PGM1: variants seen among roughly 807,000 people sequenced by gnomAD.
The protein encoded by PGM1 is phosphoglucomutase-1.
In PGM1, 52 loss-of-function variants were observed where a neutral mutation model predicts 55.6. The ratio of observed to expected loss-of-function variants is 0.94; its 90% CI spans 0.75 to 1.18. PGM1 has a LOEUF of 1.18. Ranked by LOEUF, PGM1 falls within the 50% of genes most tolerant of loss-of-function variation. The pLI, the probability that PGM1 is intolerant of heterozygous loss-of-function variation, is 0.00. For missense variants in PGM1, 724 were observed against 729.3 expected (o/e 0.99, Z 0.08); for synonymous variants, 287 against 271.7 (o/e 1.06, Z -0.55).
chr1:63,633,950 T>G (rs1315570119), intron 4 of PGM1, among the ~76,000 whole-genome samples: 1 of 131,782 alleles, frequency 7.6e-6, no homozygotes, highest in African/African-American at 2.9e-5. Flanking sequence ...TTTTTTTTTT[T>G]TTTTTTTTTT....
chr1:63,648,313 AAAC>A (rs1484611397), intron 7 of PGM1, among the ~76,000 whole-genome samples: 2 of 152,228 alleles, frequency 1.3e-5, no homozygotes, highest in Non-Finnish European at 2.9e-5. Context: ...ATATACTTTT[AAAC>A]AACCAGATCT....
At chr1:63,611,599 CA>C (rs1298948074) in intron 1 of PGM1, among the ~76,000 whole-genome samples, 1 of 152,100 alleles carries the variant, frequency 6.6e-6, no homozygotes, top group Non-Finnish European at 1.5e-5. Flanking sequence ...GAGACAGGAT[CA>C]AAAACCTAAA....
chr1:63,594,092 A>T, intron 1 of PGM1: 1 of 1,027,472 alleles, frequency 9.7e-7, no homozygotes, highest in Non-Finnish European at 1.2e-6. Context: ...CTAACCTTGC[A>T]GCCTTGGAAG....
intron 1 of PGM1, among the ~76,000 whole-genome samples, chr1:63,625,883 G>A (rs1009462645): frequency 6.6e-6 from 1 of 152,164 alleles, no homozygotes; most frequent in Non-Finnish European, 1.5e-5. Context: ...AGTCCCCAGA[G>A]CTCTAAACTG....
intron 1 of PGM1, among the ~76,000 whole-genome samples, chr1:63,598,926 C>T (rs548649029): frequency 3.3e-5 from 5 of 152,198 alleles, no homozygotes; most frequent in African/African-American, 9.6e-5. Flanking sequence ...CACTGTCTCC[C>T]GCTTGAAGTG....
chr1:63,639,705 AAAG>A (rs1184701310), intron 7 of PGM1, among the ~76,000 whole-genome samples: 2 of 152,256 alleles, frequency 1.3e-5, no homozygotes, highest in African/African-American at 2.4e-5. Context: ...TTAGTGAAGA[AAAG>A]AAGATCAAAA....
chr1:63,594,105 A>G, intron 1 of PGM1: 2 of 1,017,602 alleles, frequency 2.0e-6, no homozygotes, highest in Non-Finnish European at 2.3e-6. Context: ...CTTGGAAGAT[A>G]CGATTACGGC....
rs147536403 is a variant in PGM1, at chr1:63,644,984, C to G, written c.1145-3533C>G. On this transcript the variant is annotated intron_variant, in intron 7 of 10. Transcript: ENST00000371084. ...TGCAAAAAGAATAGCTTTAGAAACACGTACCTGCACCATTGGTATTTTCCA... is the reference window on the plus strand; with the variant it reads ...TGCAAAAAGAATAGCTTTAGAAACAGGTACCTGCACCATTGGTATTTTCCA... Among the ~76,000 whole-genome samples, 61 of 152,306 alleles carry G rather than the reference C, an allele frequency of 4.0e-4. No homozygotes were observed. In the East Asian group the frequency reaches 0.011, roughly 28 times the overall value.
rs537272732 is a variant in PGM1, at chr1:63,629,359, T to G, written c.247-66T>G. 58 of 1,345,968 alleles carry G rather than the reference T, an allele frequency of 4.3e-5. No homozygotes were observed. In the East Asian group the frequency reaches 1.1e-3, roughly 27 times the overall value. 83.4% of individuals were successfully genotyped at this position (1,345,968 alleles called of 1,614,324 possible). A position where few individuals can be genotyped will look rare whatever the true frequency, so the allele number is the denominator to read the frequency against. On this transcript the variant is annotated intron_variant, in intron 1 of 10. Transcript: ENST00000371084. Reference sequence around the variant, plus strand: ...TGTCCATCTGCCTGTTGTCTTGGTGTTGTTTCTGAGCGGTGACTCTGGATG... The same window carrying G: ...TGTCCATCTGCCTGTTGTCTTGGTGGTGTTTCTGAGCGGTGACTCTGGATG...
intron 1 of PGM1, among the ~76,000 whole-genome samples, chr1:63,602,218 T>C (rs1021705477): frequency 1.3e-5 from 2 of 152,166 alleles, no homozygotes; most frequent in African/African-American, 4.8e-5. Flanking sequence ...CAATGTTAAG[T>C]AGGAGTTTCA....
At chr1:63,601,201 A>G (rs928518398) in intron 1 of PGM1, among the ~76,000 whole-genome samples, 6 of 152,194 alleles carry the variant, frequency 3.9e-5, no homozygotes, top group African/African-American at 1.4e-4. Context: ...TTAAGAGACT[A>G]GATAGGAGAT....
Position 63,629,466 on chromosome 1 carries a change from C to T in PGM1, c.288C>T (p.Thr96=), listed in dbSNP as rs1418452661. 1.9e-6 allele frequency: 3 copies of T among 1,613,716 alleles called. No individual in the cohort carries two copies. Among genetic ancestry groups the T allele is most frequent in the South Asian group, 2.2e-5 (2 of 91,074 alleles). The part of the protein sequence containing the change: ...LVIGQNGILS[T]PAVSCIIRKI... ...TCGGACAGAATGGAATCCTCTCCACCCCTGCTGTATCCTGCATCATTAGAA... is the reference window on the plus strand; with the variant it reads ...TCGGACAGAATGGAATCCTCTCCACTCCTGCTGTATCCTGCATCATTAGAA... The change falls in exon 2 of 11, where the codon ACC becomes ACT. Residue 96 remains threonine (T), a synonymous_variant. Coordinates refer to ENST00000371084, the MANE Select transcript of PGM1 (RefSeq NM_002633.3).
rs370100888 is a variant in PGM1 at position 63,648,714 on chromosome 1, C to T, written c.1280+62C>T. On this transcript the variant is annotated intron_variant, in intron 8 of 10. Transcript: ENST00000371084. Reference sequence around the variant, plus strand: ...GGGAAGTGGGCAGAGAGAATTCTTGCGCATCCACAGCCTCTCCTGTCTTAA... The same window carrying T: ...GGGAAGTGGGCAGAGAGAATTCTTGTGCATCCACAGCCTCTCCTGTCTTAA... 5.8e-5 allele frequency: 90 copies of T among 1,554,054 alleles called. 1 individual carries two copies. In the South Asian group the frequency reaches 5.9e-4, roughly 10 times the overall value.
At chr1:63,630,415 C>G (rs1649164447) in intron 3 of PGM1, among the ~76,000 whole-genome samples, 1 of 152,166 alleles carries the variant, frequency 6.6e-6, no homozygotes, top group Non-Finnish European at 1.5e-5. Flanking sequence ...ATGCCAAGGT[C>G]TTTACACGTG....
rs1018019550 is a variant in PGM1, at chr1:63,593,862, C to T, written c.246+128C>T. On this transcript the variant is annotated intron_variant, in intron 1 of 10. Transcript: ENST00000371084. The stretch of plus-strand genomic sequence containing the variant: ...CCGCCTCGGTTTCCACCTCCCGCTC[C>T]TCCCTCTCCTTCGCGCTCGCTCTTC... 2.3e-5 allele frequency: 30 copies of T among 1,296,066 alleles called. 1 individual carries two copies. In the African/African-American group the frequency reaches 3.9e-4, roughly 17 times the overall value. 80.3% of individuals were successfully genotyped at this position (1,296,066 alleles called of 1,614,324 possible). A position where few individuals can be genotyped will look rare whatever the true frequency, so the allele number is the denominator to read the frequency against.
chr1:63,647,257 TACA>T (rs1449888261), intron 7 of PGM1, among the ~76,000 whole-genome samples: 24,680 of 71,092 alleles, frequency 0.35, 3,574 homozygotes, highest in Admixed American at 0.48. Flanking sequence ...AATAAAATTT[TACA>T]TATATATATA....
Position 63,660,130 on chromosome 1 carries a change from T to C in PGM1, c.*455T>C, listed in dbSNP as rs966722003. 8.0e-5 allele frequency: 17 copies of C among 213,510 alleles called. No individual in the cohort carries two copies. Among genetic ancestry groups the C allele is most frequent in the African/African-American group, 3.6e-4 (16 of 44,594 alleles). The allele number at this position is 213,510 out of a possible 1,614,324, so 13.2% of individuals were successfully genotyped here. On this transcript the variant is annotated 3_prime_UTR_variant, in exon 11 of 11. Transcript: ENST00000371084. The stretch of plus-strand genomic sequence containing the variant: ...AAAATGCAATTTCTAGTGCCTTCTG[T>C]CCAATCAGTTCTTTCCTCTGAGTGA...
rs370477886 is a variant in PGM1, at chr1:63,637,650, C to T, written c.1029-1035C>T. Among the ~76,000 whole-genome samples the T allele has an allele frequency of 6.3e-4, 96 of 152,268 alleles. 1 individual carries two copies. In the East Asian group the frequency reaches 8.5e-3, roughly 13 times the overall value. On this transcript the variant is annotated intron_variant, in intron 6 of 10. Transcript: ENST00000371084. ...TTAGAGCTAGCATTTGAGCCCAGCA[C>T]GTCTACCATCAGGTCCTGCATTTGA...
Position 63,593,683 on chromosome 1 carries a change from C to T in PGM1, c.195C>T (p.Phe65=), listed in dbSNP as rs1216918863. ...ATLVVGGDGR[F]YMKEAIQLIA... ...TGGTGGTGGGCGGGGACGGCCGGTTCTACATGAAGGAGGCCATCCAGCTCA... is the reference window on the plus strand; with the variant it reads ...TGGTGGTGGGCGGGGACGGCCGGTTTTACATGAAGGAGGCCATCCAGCTCA... Residue 65 remains phenylalanine (F), a synonymous_variant, in exon 1 of 11, where the codon TTC becomes TTT. Coordinates refer to ENST00000371084, the MANE Select transcript of PGM1 (RefSeq NM_002633.3). 1.2e-6 allele frequency: 2 copies of T among 1,605,854 alleles called. No individual in the cohort carries two copies. The highest frequency in any genetic ancestry group is 1.7e-6 in the Non-Finnish European group (2 of 1,177,106).
Sources: gnomAD v4.1 joint callset for allele counts (sites outside exome capture counted in the v4.1 genomes callset) on GRCh38, gnomAD v4.1.1 for gene constraint, MANE v1.5 for transcripts, NCBI Gene and HGNC (gene_info 2026-07-23, HGNC 2026-07-21) for gene names.